TAAR5: variants seen among roughly 807,000 people sequenced by gnomAD.
The protein encoded by TAAR5 is trace amine-associated receptor 5.
TAAR5 carries 27 observed loss-of-function variants against 21.1 expected under a neutral mutation model. That is an observed-to-expected ratio of 1.28 (90% CI 0.94 to 1.76). The LOEUF is 1.76. Ranked by LOEUF, TAAR5 falls within the 40% of genes most tolerant of loss-of-function variation. The pLI, the probability that TAAR5 is intolerant of heterozygous loss-of-function variation, is 0.00. For synonymous variants in TAAR5, 203 were observed against 167.5 expected, an observed-to-expected ratio of 1.21 and a Z score of -1.64; for missense variants, 495 against 405.6, an observed-to-expected ratio of 1.22 and a Z score of -1.89.
At chr6:132,602,870 T>A in the TAAR5 span, among the ~76,000 whole-genome samples, 1 of 151,740 alleles carries the variant, frequency 6.6e-6, no homozygotes, top group Non-Finnish European at 1.5e-5. Context: ...TTTTGTTTTA[T>A]TTTCATAAGA....
the TAAR5 span, among the ~76,000 whole-genome samples, chr6:132,606,892 G>C: frequency 8.5e-3 from 1,297 of 152,292 alleles, 13 homozygotes; most frequent in Admixed American, 0.012. Flanking sequence ...CCTTGGTCAG[G>C]AGAAGGGGAA....
chr6:132,611,184 A>G, the TAAR5 span, among the ~76,000 whole-genome samples: 1 of 150,344 alleles, frequency 6.7e-6, no homozygotes, highest in Non-Finnish European at 1.5e-5. Flanking sequence ...CAAATATCTC[A>G]TGTTCTCACT....
chr6:132,613,893 C>T, the TAAR5 span, among the ~76,000 whole-genome samples: 1 of 152,184 alleles, frequency 6.6e-6, no homozygotes, highest in Non-Finnish European at 1.5e-5. Flanking sequence ...ATGTTCTCCT[C>T]TTCTAGGATC....
At chr6:132,594,518 G>A (rs1212010721), upstream of TAAR5, 1 of 152,194 alleles carries the variant, frequency 6.6e-6, no homozygotes, top group Non-Finnish European at 1.5e-5. Context: ...ATTGAAAGCA[G>A]AGTTGAAATA....
the TAAR5 span, among the ~76,000 whole-genome samples, chr6:132,596,201 T>C: frequency 6.6e-6 from 1 of 152,294 alleles, no homozygotes; most frequent in East Asian, 1.9e-4. Flanking sequence ...CCTTTCCCCC[T>C]GTTTTCGTCT....
At chr6:132,609,693 G>A in the TAAR5 span, among the ~76,000 whole-genome samples, 1 of 152,082 alleles carries the variant, frequency 6.6e-6, no homozygotes, top group Non-Finnish European at 1.5e-5. Flanking sequence ...AATATCTCTT[G>A]CATCATAAAA....
the TAAR5 span, among the ~76,000 whole-genome samples, chr6:132,601,156 G>C: frequency 2.0e-5 from 3 of 148,844 alleles, no homozygotes; most frequent in South Asian, 6.4e-4. Flanking sequence ...AGGGAAGGAG[G>C]GAAGGAAAGA....
At chr6:132,610,551 C>T in the TAAR5 span, among the ~76,000 whole-genome samples, 9 of 152,080 alleles carry the variant, frequency 5.9e-5, no homozygotes, top group Non-Finnish European at 8.8e-5. Context: ...CTTCCTTTTT[C>T]TTGATTCTGT....
the TAAR5 span, among the ~76,000 whole-genome samples, chr6:132,600,749 A>T: frequency 3.0e-3 from 448 of 150,368 alleles, 1 homozygote; most frequent in African/African-American, 0.01. Context: ...AAAAAGAAAA[A>T]GAAAGAAAAA....
In TAAR5 at chr6:132,589,328, G is replaced by T; in HGVS notation, c.359C>A (p.Thr120Asn). Residue 120 changes from threonine to asparagine, a missense_variant, in exon 1 of 1, where the codon ACC (threonine) becomes AAC (asparagine). By Grantham distance (65) the Thr-to-Asn change is moderately conservative. Coordinates refer to ENST00000258034, the MANE Select transcript of TAAR5 (RefSeq NM_003967.3). ...HTYLDTLFCL[T>N]SIFHLCFISI... is the part of the protein sequence containing the mutation. ...AATGAAACAGAGATGGAAGATGGAGGTGAGGCAGAAGAGGGTGTCCAGGTA... is the reference window on the plus strand; with the variant it reads ...AATGAAACAGAGATGGAAGATGGAGTTGAGGCAGAAGAGGGTGTCCAGGTA... The T allele has an allele frequency of 1.9e-6, 3 of 1,613,956 alleles. No homozygotes were observed. Among genetic ancestry groups the T allele is most frequent in the South Asian group, 2.2e-5 (2 of 91,046 alleles).
the TAAR5 span, among the ~76,000 whole-genome samples, chr6:132,606,831 G>A: frequency 3.9e-5 from 6 of 152,048 alleles, no homozygotes; most frequent in African/African-American, 1.4e-4. Context: ...AAAAGAGACA[G>A]GAAAAAGACA....
In TAAR5 at chr6:132,589,579, G is replaced by A. The variant is rs190791624; in HGVS notation, c.108C>T (p.Val36=). 6.2e-7 allele frequency: 1 copy of A among 1,613,860 alleles called. No homozygotes were observed. The highest frequency in any genetic ancestry group is 1.7e-5 in the Admixed American group (1 of 59,992). ...TGCCTGCTGCACAGGCCAGGTAGAT[G>A]ACCAACTGGATGCCCAGAGTATGTA... ...RTVHTLGIQL[V]IYLACAAGML... The change falls in exon 1 of 1, where the codon GTC becomes GTT. Residue 36 remains valine (V), a synonymous_variant. Coordinates refer to ENST00000258034, the MANE Select transcript of TAAR5 (RefSeq NM_003967.3).
chr6:132,601,008 G>A, the TAAR5 span, among the ~76,000 whole-genome samples: 63 of 43,524 alleles, frequency 1.4e-3, no homozygotes, highest in African/African-American at 2.6e-3. Flanking sequence ...AAGGAGGGAA[G>A]GAAGGAAGGG....
the TAAR5 span, among the ~76,000 whole-genome samples, chr6:132,602,971 A>G: frequency 5.9e-5 from 9 of 152,124 alleles, no homozygotes; most frequent in South Asian, 1.5e-3. Flanking sequence ...TAACATTGCA[A>G]TAAGAAACAT....
chr6:132,605,948 C>G, the TAAR5 span, among the ~76,000 whole-genome samples: 518 of 135,806 alleles, frequency 3.8e-3, 1 homozygote, highest in African/African-American at 0.013. Context: ...GAATAGCATC[C>G]TTTGCAGCAA....
the TAAR5 span, among the ~76,000 whole-genome samples, chr6:132,606,778 T>C: frequency 2.0e-5 from 3 of 152,068 alleles, no homozygotes; most frequent in Non-Finnish European, 4.4e-5. Context: ...CATGATTGGA[T>C]CTAGGACAAA....
chr6:132,607,925 C>T, the TAAR5 span, among the ~76,000 whole-genome samples: 1 of 152,140 alleles, frequency 6.6e-6, no homozygotes, highest in Non-Finnish European at 1.5e-5. Context: ...TCTTATATTG[C>T]TTTTTAATTA....
At chr6:132,604,907 G>A in the TAAR5 span, among the ~76,000 whole-genome samples, 2 of 152,164 alleles carry the variant, frequency 1.3e-5, no homozygotes, top group Non-Finnish European at 2.9e-5. Context: ...TAGACCGAAC[G>A]TGTCAGGGGA....
In TAAR5 at chr6:132,588,706, C is replaced by T. The variant is rs200684368; in HGVS notation, c.981G>A (p.Pro327=). ...KLTLSQKVFS[P]QTRTVDLYQE The stretch of plus-strand genomic sequence containing the variant: ...GGTACAAATCAACAGTGCGTGTCTG[C>T]GGTGAGAAGACCTTCTGGCTCAGTG... Residue 327 remains proline, a synonymous_variant, in exon 1 of 1, where the codon CCG becomes CCA. Coordinates refer to ENST00000258034, the MANE Select transcript of TAAR5 (RefSeq NM_003967.3). 2.7e-5 allele frequency: 43 copies of T among 1,613,498 alleles called. 1 individual carries two copies. The East Asian group carries it at 2.9e-4, about 11-fold the overall frequency.
Sources: allele counts gnomAD v4.1 joint callset (sites outside exome capture counted in the v4.1 genomes callset), GRCh38; gene constraint gnomAD v4.1.1; transcripts MANE v1.5; gene names NCBI Gene and HGNC (gene_info 2026-07-23, HGNC 2026-07-21).